UBE2S: variants seen among roughly 807,000 people sequenced by gnomAD.
UBE2S encodes ubiquitin-conjugating enzyme E2 S.
UBE2S carries 3 observed loss-of-function variants against 12.3 expected under a neutral mutation model. The ratio of observed to expected loss-of-function variants is 0.24; its 90% CI spans 0.11 to 0.63. UBE2S has a LOEUF of 0.63. Among genes scored for constraint, UBE2S ranks in the 30% least tolerant of loss-of-function variants. UBE2S has a pLI of 0.85. For missense variants in UBE2S, 211 were observed against 313.9 expected (o/e 0.67, Z 2.48); for synonymous variants, 133 against 142.0 (o/e 0.94, Z 0.45).
intron 1 of UBE2S, among the ~76,000 whole-genome samples, chr19:55,407,318 A>G (rs1600324029): frequency 6.6e-6 from 1 of 151,948 alleles, no homozygotes; most frequent in South Asian, 2.1e-4. Context: ...ACCCCGGCTC[A>G]GGTCTGGAGA....
In UBE2S at chr19:55,404,188, CAG is replaced by C; in HGVS notation, c.342+98_342+99del. The C allele has an allele frequency of 6.8e-7, 1 of 1,467,502 alleles. No individual in the cohort carries two copies. Among genetic ancestry groups the C allele is most frequent in the Non-Finnish European group, 9.4e-7 (1 of 1,067,734 alleles). 90.9% of individuals were successfully genotyped at this position (1,467,502 alleles called of 1,614,324 possible). On this transcript the variant is annotated intron_variant, in intron 3 of 3. Transcript: ENST00000264552. The surrounding 1 kb of genome is among the most constrained non-coding windows in gnomAD (Gnocchi z 4.4). ...TTTATGTGGAAACCTTCAACCACTT[CAG>C]AGTTGATTCAGAAAAACTAAACAAA...
At position 55,407,765 on chromosome 19, in the gene UBE2S, C is replaced by A. The variant is rs967529324; in HGVS notation, c.-176G>T. 2 of 394,426 alleles carry A rather than the reference C, an allele frequency of 5.1e-6. No individual in the cohort carries two copies. The highest frequency in any genetic ancestry group is 4.2e-5 in the African/African-American group (2 of 47,528). 24.4% of individuals were successfully genotyped at this position (394,426 alleles called of 1,614,324 possible). On this transcript the variant is annotated 5_prime_UTR_variant, in exon 1 of 4. Transcript: ENST00000264552. ...CGCACAGCGTAGACCAACCCGCCGCCCCGGTGCCCGGCAGCACTGAGCCGG... is the reference window on the plus strand; with the variant it reads ...CGCACAGCGTAGACCAACCCGCCGCACCGGTGCCCGGCAGCACTGAGCCGG...
intron 3 of UBE2S, among the ~76,000 whole-genome samples, chr19:55,402,610 T>A (rs1308493032): frequency 6.6e-6 from 1 of 152,212 alleles, no homozygotes; most frequent in Non-Finnish European, 1.5e-5. Context: ...CAGATATCAC[T>A]GATGGTGACC....
In UBE2S at chr19:55,400,370, A is replaced by G. The variant is rs1339937806; in HGVS notation, c.*1066T>C. ...ACATTGGTCTAAATAACCTAAACGC[A>G]TTAATAGAATGGGAAGTTTCCCCAC... is the stretch of plus-strand genomic sequence containing the variant. On this transcript the variant is annotated 3_prime_UTR_variant, in exon 4 of 4. Coordinates refer to ENST00000264552, the MANE Select transcript of UBE2S (RefSeq NM_014501.3). 2 of 152,184 alleles carry G rather than the reference A, an allele frequency of 1.3e-5. No individual in the cohort carries two copies. The highest frequency in any genetic ancestry group is 6.5e-5 in the Admixed American group (1 of 15,278). The allele number at this position is 152,184 out of a possible 1,614,324, so 9.4% of individuals were successfully genotyped here. A position where few individuals can be genotyped will look rare whatever the true frequency, so the allele number is the denominator to read the frequency against.
intron 2 of UBE2S, among the ~76,000 whole-genome samples, chr19:55,405,569 CA>C (rs1432394729): frequency 2.0e-5 from 3 of 152,038 alleles, no homozygotes; most frequent in African/African-American, 7.3e-5. Flanking sequence ...GGACCTCCCC[CA>C]AAACCTCAGA....
At chr19:55,407,482 G>T in intron 1 of UBE2S, 105 bp downstream of exon 1, 1 of 1,274,344 alleles carries the variant, frequency 7.8e-7, no homozygotes, top group Non-Finnish European at 1.1e-6. Flanking sequence ...CCCCCAGGCT[G>T]GCCCTCAAAC....
chr19:55,407,159 A>C (rs2090101177), intron 1 of UBE2S, among the ~76,000 whole-genome samples, 197 bp from the exon 2 acceptor site: 3 of 149,326 alleles, frequency 2.0e-5, no homozygotes, highest in Non-Finnish European at 3.0e-5. Flanking sequence ...GGGCGGGTTC[A>C]CGGGGGGGCT....
chr19:55,407,266 T>A (rs1044943610), intron 1 of UBE2S, among the ~76,000 whole-genome samples: 1 of 134,186 alleles, frequency 7.5e-6, no homozygotes, highest in African/African-American at 2.8e-5. Flanking sequence ...AGATCTACTC[T>A]CTCCCCCTTC....
Position 55,406,904 on chromosome 19 carries a change from G to T in UBE2S, c.62C>A (p.Thr21Lys). Residue 21 changes from threonine (T) to lysine (K), a missense_variant, in exon 2 of 4, where the codon ACG becomes AAG. Thr to Lys is a moderately conservative substitution (Grantham distance 78, BLOSUM62 -1). Around this residue, in one of 2 missense-constraint regions of UBE2S, gnomAD observed 127 missense variants for 224.0 expected, o/e 0.57. Coordinates refer to ENST00000264552, the MANE Select transcript of UBE2S (RefSeq NM_014501.3). ...HIIRLVYKEV[T>K]TLTADPPDGI... is the part of the protein sequence containing the mutation. ...ATCGGGTGGGTCTGCGGTCAGTGTC[G>T]TCACCTCCTTGTACACCAGGCGGAT... 1 of 1,613,942 alleles carries T rather than the reference G, an allele frequency of 6.2e-7. No homozygotes were observed. The highest frequency in any genetic ancestry group is 1.3e-5 in the African/African-American group (1 of 75,028).
At chr19:55,402,092 C>G (rs2090063950) in intron 3 of UBE2S, among the ~76,000 whole-genome samples, 1 of 152,202 alleles carries the variant, frequency 6.6e-6, no homozygotes, top group Non-Finnish European at 1.5e-5. Context: ...TGCCTGAGCC[C>G]CAGACTTGAG....
intron 3 of UBE2S, chr19:55,403,087 C>T (rs1333825597): frequency 8.7e-7 from 1 of 1,148,782 alleles, no homozygotes; most frequent in Non-Finnish European, 1.3e-6. Flanking sequence ...GGGCAGCACC[C>T]TTGGCCTCCA....
intron 2 of UBE2S, among the ~76,000 whole-genome samples, chr19:55,405,305 C>T (rs11666353): frequency 0.025 from 3,805 of 150,460 alleles, 70 homozygotes; most frequent in South Asian, 0.077. Context: ...GTCAGGAGTT[C>T]GAGACCAGCC....
intron 1 of UBE2S, 126 bp downstream of exon 1, chr19:55,407,461 C>G: frequency 9.2e-7 from 1 of 1,091,768 alleles, no homozygotes; most frequent in Non-Finnish European, 1.3e-6. Flanking sequence ...GGGCCCATCC[C>G]GGGTCAGGGA....
chr19:55,407,515 G>A, intron 1 of UBE2S, 72 bp downstream of exon 1: 8 of 1,486,984 alleles, frequency 5.4e-6, no homozygotes, highest in Admixed American at 2.2e-5. Flanking sequence ...CCCGTCGGAG[G>A]CCCCTGAGAC....
intron 3 of UBE2S, among the ~76,000 whole-genome samples, chr19:55,403,584 C>T (rs1261076421): frequency 6.6e-6 from 1 of 152,108 alleles, no homozygotes; most frequent in Admixed American, 6.6e-5. Flanking sequence ...CCCTTGACCT[C>T]CACCTGTCAG....
At chr19:55,401,802 C>T (rs1233494480) in intron 3 of UBE2S, 40 bp from the exon 4 acceptor site, 1 of 1,608,190 alleles carries the variant, frequency 6.2e-7, no homozygotes, top group East Asian at 2.2e-5. Flanking sequence ...GTCGGGCAAC[C>T]TACAGGGACC....
intron 3 of UBE2S, chr19:55,402,864 G>A (rs2090071043): frequency 8.0e-7 from 1 of 1,252,888 alleles, no homozygotes; most frequent in Non-Finnish European, 1.1e-6. Flanking sequence ...CCCCATGGCA[G>A]GAAACCCCAA....
At chr19:55,403,911 T>G (rs2090079652) in intron 3 of UBE2S, 1 of 200,796 alleles carries the variant, frequency 5.0e-6, no homozygotes, top group African/African-American at 2.4e-5. Context: ...CGGCTAATTT[T>G]TGCATTTTTA....
intron 3 of UBE2S, chr19:55,402,801 T>C (rs987876621): frequency 4.6e-6 from 3 of 656,880 alleles, no homozygotes; most frequent in African/African-American, 1.8e-5. Flanking sequence ...AGGCGGTACA[T>C]GTGGGAGGGA....
Sources: allele counts gnomAD v4.1 joint callset (sites outside exome capture counted in the v4.1 genomes callset), GRCh38; gene constraint gnomAD v4.1.1; regional missense constraint gnomAD v4.1.1; non-coding constraint Gnocchi (gnomAD v3.1); transcripts MANE v1.5; gene names NCBI Gene and HGNC (gene_info 2026-07-23, HGNC 2026-07-21).